The following USP4 variants were observed in gnomAD, a reference collection of about 807,000 sequenced individuals.
USP4 encodes ubiquitin specific peptidase 4, also known as ubiquitin carboxyl-terminal hydrolase 4.
A neutral mutation model predicts 118.2 loss-of-function variants in USP4; 72 were observed. The observed-to-expected ratio is 0.61, with a 90% CI of 0.50 to 0.74. The LOEUF is 0.74. Among genes scored for constraint, USP4 ranks in the 30% least tolerant of loss-of-function variants. The pLI, the probability that USP4 is intolerant of heterozygous loss-of-function variation, is 0.00. For missense variants in USP4, 1,037 were observed against 1,185.7 expected (o/e 0.87, Z 1.84); for synonymous variants, 415 against 440.4 (o/e 0.94, Z 0.72).
chr3:49,284,356 A>G (rs1238618334), intron 18 of USP4, 110 bp downstream of exon 18: 2 of 1,064,992 alleles, frequency 1.9e-6, no homozygotes, highest in Non-Finnish European at 2.8e-6. Context: ...TTAGCTATAT[A>G]AAGAAGTGAC....
rs748043472 is a variant in USP4 at position 49,294,609 on chromosome 3, C to G, written c.1692-11G>C. The G allele has an allele frequency of 3.1e-6, 5 of 1,610,884 alleles. No homozygotes were observed. The Middle Eastern group carries it at 6.8e-4, about 220-fold the overall frequency. ...CTGCAGACCTCGTACCTGCGTCAAT[C>G]ACACAAGAGGGCACTTTTAGCAGTA... On this transcript the variant is annotated splice_polypyrimidine_tract_variant and intron_variant, in intron 13 of 21. Coordinates refer to ENST00000265560, the MANE Select transcript of USP4 (RefSeq NM_003363.4).
chr3:49,292,608 G>C lies in USP4; in HGVS notation c.1884-10C>G. 1 of 1,543,142 alleles carries C rather than the reference G, an allele frequency of 6.5e-7. No individual in the cohort carries two copies. The highest frequency in any genetic ancestry group is 8.7e-7 in the Non-Finnish European group (1 of 1,143,174). On this transcript the variant is annotated splice_polypyrimidine_tract_variant and intron_variant, in intron 14 of 21. Coordinates refer to ENST00000265560, the MANE Select transcript of USP4 (RefSeq NM_003363.4). ...CTGTTTCACATAGCGGCTTCAAAAA[G>C]AGAAAAAGAGAAGAAAAAAAAGATT...
chr3:49,292,404 A>G, intron 15 of USP4, 106 bp downstream of exon 15: 1 of 659,332 alleles, frequency 1.5e-6, no homozygotes, highest in South Asian at 2.9e-5. Context: ...GCAGAGCCCC[A>G]ACCCAGTCCC....
Position 49,278,311 on chromosome 3 carries a change from G to C in USP4, c.2874C>G (p.Cys958Trp). ...SQQGFGDDEA[C>W]SMDTN ...GTCAGCATTAGTTGGTGTCCATGCTGCAAGCCTCATCATCCCCAAAGCCCT... is the reference window on the plus strand; with the variant it reads ...GTCAGCATTAGTTGGTGTCCATGCTCCAAGCCTCATCATCCCCAAAGCCCT... The change falls in exon 22 of 22, where the codon TGC becomes TGG. Residue 958 changes from cysteine (C) to tryptophan (W), a missense_variant. This residue lies in a region of USP4 where 522 missense variants were observed against 592.6 expected (regional missense o/e 0.88). Transcript: ENST00000265560. The C allele has an allele frequency of 6.2e-7, 1 of 1,613,906 alleles. No homozygotes were observed. The highest frequency in any genetic ancestry group is 8.5e-7 in the Non-Finnish European group (1 of 1,180,006).
intron 11 of USP4, 53 bp downstream of exon 11, chr3:49,300,414 G>C: frequency 1.3e-6 from 2 of 1,541,038 alleles, no homozygotes; most frequent in Admixed American, 1.7e-5. Context: ...GTCCCACTGG[G>C]ATCTGGAGAC....
intron 14 of USP4, among the ~76,000 whole-genome samples, chr3:49,293,035 TAAATA>T (rs1180431560): frequency 2.0e-5 from 3 of 150,224 alleles, no homozygotes; most frequent in South Asian, 4.2e-4. Context: ...TCTCAAAAAA[TAAATA>T]AAATAAAATA....
chr3:49,279,509 T>G (rs2107761637), intron 20 of USP4, among the ~76,000 whole-genome samples: 2 of 152,270 alleles, frequency 1.3e-5, no homozygotes, highest in South Asian at 4.1e-4. Context: ...GGTAACAGTT[T>G]CCCACAATGA....
At chr3:49,319,631 TGAGA>T (rs2047478823) in intron 6 of USP4, among the ~76,000 whole-genome samples, 1 of 152,070 alleles carries the variant, frequency 6.6e-6, no homozygotes, top group African/African-American at 2.4e-5. Context: ...GTTTGTTTTC[TGAGA>T]TGGAGTCTTG....
chr3:49,330,713 G>A (rs981144814), intron 2 of USP4, among the ~76,000 whole-genome samples: 1 of 152,030 alleles, frequency 6.6e-6, no homozygotes. Flanking sequence ...TGGGAGGCTG[G>A]AGGCTGGAGG....
At chr3:49,293,919 C>G (rs766968519) in intron 14 of USP4, among the ~76,000 whole-genome samples, 1 of 151,798 alleles carries the variant, frequency 6.6e-6, no homozygotes, top group Non-Finnish European at 1.5e-5. Flanking sequence ...TAAGATGTGC[C>G]AGGTGGCTCA....
intron 3 of USP4, 58 bp downstream of exon 3, chr3:49,327,628 T>C: frequency 6.3e-7 from 1 of 1,599,748 alleles, no homozygotes; most frequent in South Asian, 1.1e-5. Context: ...CTAGTCAGTG[T>C]CCAACAGAAA....
chr3:49,314,569 G>A (rs1446774792), intron 6 of USP4, among the ~76,000 whole-genome samples: 1 of 152,186 alleles, frequency 6.6e-6, no homozygotes, highest in Non-Finnish European at 1.5e-5. Flanking sequence ...GCCCAAGGCT[G>A]GTCTGATATG....
At chr3:49,325,906 A>T in intron 3 of USP4, 61 bp from the exon 4 acceptor site, 1 of 1,586,996 alleles carries the variant, frequency 6.3e-7, no homozygotes, top group Admixed American at 1.7e-5. Context: ...TCTTGGATGT[A>T]GCATATCTTA....
chr3:49,303,839 G>A lies in USP4; in HGVS notation c.1129-1297C>T, dbSNP rs559742601. Among the ~76,000 whole-genome samples, 296 of 151,908 alleles carry A rather than the reference G, an allele frequency of 1.9e-3. 1 individual carries two copies. The highest frequency in any genetic ancestry group is 6.9e-3 in the African/African-American group (286 of 41,422). ...GCAATCTCAGCTCACTGCAACCTCC[G>A]CCTCCCAGGTTCAAGCAATTCTCAT... On this transcript the variant is annotated intron_variant, in intron 9 of 21. Transcript: ENST00000265560.
At position 49,313,522 on chromosome 3, in the gene USP4, C is replaced by A. The variant is rs1040706221; in HGVS notation, c.696-1868G>T. Among the ~76,000 whole-genome samples, 4 of 151,656 alleles carry A rather than the reference C, an allele frequency of 2.6e-5. No individual in the cohort carries two copies. The East Asian group carries it at 7.7e-4, about 29-fold the overall frequency. The stretch of plus-strand genomic sequence containing the variant: ...CAGCCTGGGCAACAAGAACAAAACT[C>A]CATCTCAAAAAAAAAAAGAAAAATG... On this transcript the variant is annotated intron_variant, in intron 6 of 21. Transcript: ENST00000265560.
chr3:49,327,873 T>C, intron 2 of USP4, 57 bp from the exon 3 acceptor site: 1 of 1,499,758 alleles, frequency 6.7e-7, no homozygotes. Flanking sequence ...ATGATGGTTT[T>C]ACATGATTTC....
intron 19 of USP4, among the ~76,000 whole-genome samples, chr3:49,282,375 A>G (rs1453518549): frequency 6.6e-6 from 1 of 151,914 alleles, no homozygotes; most frequent in African/African-American, 2.4e-5. Context: ...CTTGGGTTCA[A>G]GTGATTCTCC....
At position 49,286,300 on chromosome 3, in the gene USP4, A is replaced by T. The variant is rs755992508; in HGVS notation, c.1998T>A (p.His666Gln). 36 of 1,613,946 alleles carry T rather than the reference A, an allele frequency of 2.2e-5. No individual in the cohort carries two copies. The Middle Eastern group carries it at 3.0e-3, about 133-fold the overall frequency. The change falls in exon 16 of 22, where the codon CAT (histidine) becomes CAA (glutamine). Residue 666 changes from histidine to glutamine, a missense_variant. By Grantham distance (24) the His-to-Gln change is conservative. Around this residue, in one of 3 missense-constraint regions of USP4, gnomAD observed 522 missense variants for 592.6 expected, o/e 0.88. Coordinates refer to ENST00000265560, the MANE Select transcript of USP4 (RefSeq NM_003363.4). ...AAAGCTGCTCTTTGCCTTCTTCCTG[A>T]TGCTCCATTTCTTCCTCATCTTCTC... The part of the protein sequence containing the change: ...CEGEDEEEME[H>Q]QEEGKEQLSE...
In USP4 at chr3:49,284,152, T is replaced by G. The variant is rs1035878653; in HGVS notation, c.2391-16A>C. 6.2e-7 allele frequency: 1 copy of G among 1,613,898 alleles called. No homozygotes were observed. Among genetic ancestry groups the G allele is most frequent in the Non-Finnish European group, 8.5e-7 (1 of 1,179,992 alleles). On this transcript the variant is annotated splice_polypyrimidine_tract_variant and intron_variant, in intron 18 of 21. Coordinates refer to ENST00000265560, the MANE Select transcript of USP4 (RefSeq NM_003363.4). ...GGGACAGTACCTAAAAAGAGAAACC[T>G]CCACTTAGCAGGGCAAGCCGGCAGC... is the stretch of plus-strand genomic sequence containing the variant.
Sources: gnomAD v4.1 joint callset for allele counts (sites outside exome capture counted in the v4.1 genomes callset) on GRCh38, gnomAD v4.1.1 for gene constraint, gnomAD v4.1.1 regional missense constraint, MANE v1.5 for transcripts, NCBI Gene and HGNC (gene_info 2026-07-23, HGNC 2026-07-21) for gene names.